The following RNF175 variants were observed in gnomAD, a reference collection of about 807,000 sequenced individuals.
RNF175 encodes the protein ring finger protein 175.
RNF175 carries 38 observed loss-of-function variants against 50.0 expected under a neutral mutation model. The observed-to-expected ratio is 0.76, with a 90% confidence interval of 0.59 to 1.00. The LOEUF is 1.00. RNF175 is among the 50% of genes least tolerant of loss of function. The pLI is 0.00. For missense variants in RNF175, 388 were observed against 409.6 expected, an observed-to-expected ratio of 0.95 and a Z score of 0.46; for synonymous variants, 155 against 146.1, an observed-to-expected ratio of 1.06 and a Z score of -0.44.
At position 153,719,404 on chromosome 4, in the gene RNF175, C is replaced by T. The variant is rs987499282; in HGVS notation, c.630+780G>A. On this transcript the variant is annotated intron_variant, in intron 6 of 8. Transcript: ENST00000347063. The stretch of plus-strand genomic sequence containing the variant: ...GCTTTACACTGATTTTTCTACTTCA[C>T]ATCTGGCTGTGTACCAGGAGACACA... Among the ~76,000 whole-genome samples, 14 of 152,192 alleles carry T rather than the reference C, an allele frequency of 9.2e-5. 1 individual carries two copies. The highest frequency in any genetic ancestry group is 1.9e-4 in the Non-Finnish European group (13 of 68,034).
At chr4:153,757,254 T>A (rs571154176) in intron 1 of RNF175, among the ~76,000 whole-genome samples, 1 of 152,292 alleles carries the variant, frequency 6.6e-6, no homozygotes, top group Admixed American at 6.5e-5. Flanking sequence ...TGTTGATGAC[T>A]TATTTACTTA....
At chr4:153,751,975 T>C (rs17299041) in intron 1 of RNF175, among the ~76,000 whole-genome samples, 26,773 of 152,256 alleles carry the variant, frequency 0.18, 3,095 homozygotes, top group Non-Finnish European at 0.25. Flanking sequence ...AGCATTCTTG[T>C]ACTCTCTTGT....
At chr4:153,732,356 A>G (rs1739092188) in intron 3 of RNF175, among the ~76,000 whole-genome samples, 1 of 152,142 alleles carries the variant, frequency 6.6e-6, no homozygotes, top group Non-Finnish European at 1.5e-5. Flanking sequence ...CTCCACATCA[A>G]TCTAGATGGC....
At chr4:153,751,807 G>A (rs1182157178) in intron 1 of RNF175, among the ~76,000 whole-genome samples, 1 of 152,196 alleles carries the variant, frequency 6.6e-6, no homozygotes, top group Non-Finnish European at 1.5e-5. Context: ...CTGGCTTCTA[G>A]GATATGAAGT....
intron 6 of RNF175, among the ~76,000 whole-genome samples, chr4:153,717,049 G>T (rs527535204): frequency 5.3e-5 from 8 of 152,134 alleles, no homozygotes; most frequent in Non-Finnish European, 7.4e-5. Flanking sequence ...TATAAATTAT[G>T]TGGAATTCTT....
At chr4:153,744,732 G>C (rs1466447133) in intron 3 of RNF175, among the ~76,000 whole-genome samples, 1 of 152,172 alleles carries the variant, frequency 6.6e-6, no homozygotes, top group Admixed American at 6.5e-5. Context: ...GTTAAGATAT[G>C]TTTAAAGAAC....
At chr4:153,739,476 C>T (rs143477119) in intron 3 of RNF175, among the ~76,000 whole-genome samples, 2 of 152,312 alleles carry the variant, frequency 1.3e-5, no homozygotes, top group East Asian at 1.9e-4. Context: ...TTTATTCTTT[C>T]TCTGACATTC....
intron 8 of RNF175, among the ~76,000 whole-genome samples, chr4:153,711,404 G>T (rs968894207): frequency 4.0e-5 from 6 of 151,820 alleles, no homozygotes; most frequent in Non-Finnish European, 7.4e-5. Context: ...TATGGGCCTT[G>T]AGACCCAAAG....
chr4:153,714,314 G>A (rs983687623), intron 7 of RNF175: 5 of 152,052 alleles, frequency 3.3e-5, no homozygotes, highest in African/African-American at 1.2e-4. Context: ...ATCCATATGG[G>A]GTATCTTTGT....
At chr4:153,735,387 T>G (rs189912787) in intron 3 of RNF175, among the ~76,000 whole-genome samples, 2 of 152,218 alleles carry the variant, frequency 1.3e-5, no homozygotes, top group Non-Finnish European at 2.9e-5. Context: ...CATTGACTTA[T>G]GTGTCTATTC....
chr4:153,758,886 G>A (rs1480114127), intron 1 of RNF175, among the ~76,000 whole-genome samples: 2 of 152,138 alleles, frequency 1.3e-5, no homozygotes, highest in South Asian at 2.1e-4. Flanking sequence ...CGAATGCCAC[G>A]CCCTCACGGG....
intron 3 of RNF175, among the ~76,000 whole-genome samples, chr4:153,747,648 C>T (rs1468704455): frequency 6.6e-6 from 1 of 152,212 alleles, no homozygotes; most frequent in Non-Finnish European, 1.5e-5. Context: ...TAGTTCTTTT[C>T]TTCTTCTGAG....
intron 7 of RNF175, chr4:153,713,874 G>A (rs373330935): frequency 6.6e-6 from 1 of 152,184 alleles, no homozygotes; most frequent in African/African-American, 2.4e-5. Context: ...AGGGGCCATT[G>A]AGTCAGCACA....
At chr4:153,747,736 C>G (rs936925909) in intron 3 of RNF175, among the ~76,000 whole-genome samples, 1 of 152,242 alleles carries the variant, frequency 6.6e-6, no homozygotes, top group Non-Finnish European at 1.5e-5. Flanking sequence ...ACTCTTCCAG[C>G]CTCTGCCCAA....
At chr4:153,733,226 A>T (rs1739141969) in intron 3 of RNF175, among the ~76,000 whole-genome samples, 1 of 152,204 alleles carries the variant, frequency 6.6e-6, no homozygotes, top group Admixed American at 6.5e-5. Context: ...TAAGTACATG[A>T]TCTGAATTAT....
At chr4:153,747,080 T>C (rs184959535) in intron 3 of RNF175, among the ~76,000 whole-genome samples, 235 of 152,250 alleles carry the variant, frequency 1.5e-3, no homozygotes, top group African/African-American at 5.5e-3. Context: ...TCTACTCTCC[T>C]AGAGCTCTGG....
At chr4:153,720,065 A>G in intron 6 of RNF175, 119 bp downstream of exon 6, 1 of 1,017,632 alleles carries the variant, frequency 9.8e-7, no homozygotes, top group Non-Finnish European at 1.4e-6. Flanking sequence ...TTCCAAAGGA[A>G]ACAATAATCA....
At chr4:153,759,093 G>A (rs1289793787) in intron 1 of RNF175, among the ~76,000 whole-genome samples, 1 of 152,168 alleles carries the variant, frequency 6.6e-6, no homozygotes, top group Non-Finnish European at 1.5e-5. Context: ...CTCCAGGTAA[G>A]ACCTACCCTC....
At chr4:153,727,492 G>A (rs781413829) in intron 4 of RNF175, 1 of 152,172 alleles carries the variant, frequency 6.6e-6, no homozygotes, top group Non-Finnish European at 1.5e-5. Flanking sequence ...AATCATAAAA[G>A]TATTTCACTG....
Sources: allele counts gnomAD v4.1 joint callset (sites outside exome capture counted in the v4.1 genomes callset), GRCh38; gene constraint gnomAD v4.1.1; transcripts MANE v1.5; gene names NCBI Gene and HGNC (gene_info 2026-07-23, HGNC 2026-07-21).